Variants in ATCAY observed in about 807,000 individuals in gnomAD.
ATCAY encodes the protein caytaxin.
ATCAY carries 22 observed loss-of-function variants against 47.7 expected under a neutral mutation model. The observed-to-expected ratio is 0.46, with a 90% CI of 0.33 to 0.66. The LOEUF is 0.66. Among genes scored for constraint, ATCAY ranks in the 30% least tolerant of loss-of-function variants. The pLI, the probability that ATCAY is intolerant of heterozygous loss-of-function variation, is 0.02. For missense variants in ATCAY, 452 were observed against 515.0 expected (o/e 0.88, Z 1.18); for synonymous variants, 216 against 207.6 (o/e 1.04, Z -0.35).
At chr19:3,902,402 C>A in intron 2 of ATCAY, 85 bp from the exon 3 acceptor site, 1 of 1,290,866 alleles carries the variant, frequency 7.7e-7, no homozygotes, top group Non-Finnish European at 1.1e-6. Context: ...ACTCGCCTGG[C>A]TGGACCTGTC....
At chr19:3,901,538 CA>C (rs2038816382) in intron 2 of ATCAY, among the ~76,000 whole-genome samples, 1 of 152,080 alleles carries the variant, frequency 6.6e-6, no homozygotes, top group Admixed American at 6.6e-5. Flanking sequence ...AGAGAGAATT[CA>C]ACTTACTAAC....
At chr19:3,920,908 T>C in intron 12 of ATCAY, 110 bp downstream of exon 12, 1 of 1,315,700 alleles carries the variant, frequency 7.6e-7, no homozygotes, top group Non-Finnish European at 1.1e-6. Flanking sequence ...TGCCAGCAAA[T>C]ATAAAGCAGG....
intron 4 of ATCAY, 42 bp downstream of exon 4, chr19:3,905,697 C>A: frequency 6.5e-7 from 1 of 1,540,474 alleles, no homozygotes; most frequent in South Asian, 1.2e-5. Flanking sequence ...GAGCCCACCC[C>A]CCCCACCCCA....
intron 2 of ATCAY, among the ~76,000 whole-genome samples, chr19:3,893,316 A>G (rs528098484): frequency 6.6e-6 from 1 of 151,966 alleles, no homozygotes; most frequent in Admixed American, 6.6e-5. Context: ...TGTAGCTGGG[A>G]CCACAGGCAT....
At chr19:3,890,853 G>A (rs944310820) in intron 2 of ATCAY, among the ~76,000 whole-genome samples, 2 of 152,126 alleles carry the variant, frequency 1.3e-5, no homozygotes, top group Non-Finnish European at 2.9e-5. Flanking sequence ...TGTCTTCCTC[G>A]TCTCTGGAAG....
rs868685395 is a variant in ATCAY, at chr19:3,898,940, A to G, written c.78-3547A>G. On this transcript the variant is annotated intron_variant, in intron 2 of 12. Coordinates refer to ENST00000450849, the MANE Select transcript of ATCAY (RefSeq NM_033064.5). Reference sequence around the variant, plus strand: ...CATGATGTGCCCTCCTCGGCCTCCCAAAGTGCCAGGATGACAGGCGTGAGC... The same window carrying G: ...CATGATGTGCCCTCCTCGGCCTCCCGAAGTGCCAGGATGACAGGCGTGAGC... Among the ~76,000 whole-genome samples the G allele has an allele frequency of 7.2e-5, 11 of 152,148 alleles. No individual in the cohort carries two copies. In the South Asian group the frequency reaches 1.9e-3, roughly 26 times the overall value.
rs532393297 is a variant in ATCAY, at chr19:3,922,121, A to G, written c.1106+1323A>G. 259 of 702,718 alleles carry G rather than the reference A, an allele frequency of 3.7e-4. No individual in the cohort carries two copies. The African/African-American group carries it at 3.9e-3, about 11-fold the overall frequency. 43.5% of individuals were successfully genotyped at this position (702,718 alleles called of 1,614,324 possible). ...CCAGGGTGTTTATAGAGAGTCAACT[A>G]CATACACCTGGCTGACTGTCTGCAT... On this transcript the variant is annotated intron_variant, in intron 12 of 12. Coordinates refer to ENST00000450849, the MANE Select transcript of ATCAY (RefSeq NM_033064.5).
chr19:3,888,136 G>C (rs2038680150), intron 2 of ATCAY, among the ~76,000 whole-genome samples: 1 of 151,544 alleles, frequency 6.6e-6, no homozygotes, highest in Non-Finnish European at 1.5e-5. Flanking sequence ...ATACTACATG[G>C]AAAGGAAGCT....
intron 2 of ATCAY, among the ~76,000 whole-genome samples, chr19:3,892,769 G>A (rs1171808004): frequency 2.6e-5 from 4 of 152,034 alleles, no homozygotes; most frequent in East Asian, 1.9e-4. Flanking sequence ...TCAACTGGGT[G>A]TGGTGGCGGG....
In ATCAY at chr19:3,907,272, C is replaced by G. The variant is rs1053515843; in HGVS notation, c.359-462C>G. On this transcript the variant is annotated intron_variant, in intron 4 of 12. Coordinates refer to ENST00000450849, the MANE Select transcript of ATCAY (RefSeq NM_033064.5). The surrounding 1 kb of genome is among the most constrained non-coding windows in gnomAD (Gnocchi z 5.1). The stretch of plus-strand genomic sequence containing the variant: ...CCAGCCTGGGCAACATATTGAAACC[C>G]CATCTCTACAAAAATATAAAAATTA... Among the ~76,000 whole-genome samples the G allele has an allele frequency of 2.0e-5, 3 of 152,038 alleles. No individual in the cohort carries two copies. The highest frequency in any genetic ancestry group is 7.2e-5 in the African/African-American group (3 of 41,402).
rs1190783039 is a variant in ATCAY at position 3,927,945 on chromosome 19, C to T, written c.*3353C>T. 1 of 152,238 alleles carries T rather than the reference C, an allele frequency of 6.6e-6. No individual in the cohort carries two copies. Among genetic ancestry groups the T allele is most frequent in the African/African-American group, 2.4e-5 (1 of 41,454 alleles). 9.4% of individuals were successfully genotyped at this position (152,238 alleles called of 1,614,324 possible). On this transcript the variant is annotated 3_prime_UTR_variant, in exon 13 of 13. Coordinates refer to ENST00000450849, the MANE Select transcript of ATCAY (RefSeq NM_033064.5). ...TCCCCCAAAGTCCTGGTCAGCAGCC[C>T]ATCCTTCCAACGATGAGTTTTGCGG...
intron 8 of ATCAY, 97 bp downstream of exon 8, chr19:3,910,986 T>C: frequency 3.0e-6 from 4 of 1,332,254 alleles, no homozygotes; most frequent in Non-Finnish European, 4.3e-6. Context: ...TGCACGTGTG[T>C]GCGTGTGTGC....
intron 2 of ATCAY, among the ~76,000 whole-genome samples, chr19:3,896,129 GGCATGAGCCCCT>G (rs1287599404): frequency 6.6e-6 from 1 of 152,080 alleles, no homozygotes; most frequent in Non-Finnish European, 1.5e-5. Flanking sequence ...TGTGATTACC[GGCATGAGCCCCT>G]GCGCCCAGTC....
At chr19:3,919,794 G>A (rs757550573) in intron 11 of ATCAY, among the ~76,000 whole-genome samples, 5 of 150,972 alleles carry the variant, frequency 3.3e-5, no homozygotes, top group Admixed American at 6.6e-5. Flanking sequence ...TCATATTATC[G>A]CAATCTCAAT....
chr19:3,891,105 G>A (rs1163908957), intron 2 of ATCAY, among the ~76,000 whole-genome samples: 1 of 150,446 alleles, frequency 6.6e-6, no homozygotes, highest in Non-Finnish European at 1.5e-5. Context: ...AGGCTGGAGT[G>A]CAGTGGTGCA....
intron 2 of ATCAY, among the ~76,000 whole-genome samples, chr19:3,900,388 A>G (rs1373170968): frequency 6.6e-6 from 1 of 151,926 alleles, no homozygotes; most frequent in Non-Finnish European, 1.5e-5. Flanking sequence ...GAGTTACGCC[A>G]TGTTGCCCAG....
At chr19:3,902,360 A>G (rs1229499462) in intron 2 of ATCAY, 127 bp from the exon 3 acceptor site, 4 of 829,590 alleles carry the variant, frequency 4.8e-6, no homozygotes, top group Non-Finnish European at 8.0e-6. Context: ...GATTCTCCAG[A>G]ACTAAATGTG....
In ATCAY at chr19:3,909,530, T is replaced by C. The variant is rs377568098; in HGVS notation, c.692T>C (p.Met231Thr). Reference protein sequence around the residue: ...SLELLVAEDYMIVYLNGATPR... With the variant: ...SLELLVAEDYTIVYLNGATPR... Reference sequence around the variant, plus strand: ...GAGCTCCTGGTGGCTGAGGACTACATGATCGTGTACCTGAACGGTGCCACG... The same window carrying C: ...GAGCTCCTGGTGGCTGAGGACTACACGATCGTGTACCTGAACGGTGCCACG... The change falls in exon 7 of 13, where the codon ATG becomes ACG. Residue 231 changes from methionine to threonine, a missense_variant. Transcript: ENST00000450849. The C allele has an allele frequency of 6.2e-7, 1 of 1,613,770 alleles. No individual in the cohort carries two copies. The highest frequency in any genetic ancestry group is 8.5e-7 in the Non-Finnish European group (1 of 1,179,874).
chr19:3,896,268 T>C (rs1039527201), intron 2 of ATCAY, among the ~76,000 whole-genome samples: 5 of 88,510 alleles, frequency 5.6e-5, no homozygotes, highest in African/African-American at 1.6e-4. Context: ...ATCACATCCC[T>C]TTTTTTTTTT....
Sources: allele counts gnomAD v4.1 joint callset (sites outside exome capture counted in the v4.1 genomes callset), GRCh38; gene constraint gnomAD v4.1.1; non-coding constraint Gnocchi (gnomAD v3.1); transcripts MANE v1.5; gene names NCBI Gene and HGNC (gene_info 2026-07-23, HGNC 2026-07-21).